The following NLGN4X variants were observed in gnomAD, a reference collection of about 807,000 sequenced individuals.
The protein encoded by NLGN4X is neuroligin 4 X-linked, also known as neuroligin-4, X-linked.
NLGN4X carries 3 observed loss-of-function variants against 40.3 expected under a neutral mutation model. The ratio of observed to expected loss-of-function variants is 0.07; its 90% CI spans 0.03 to 0.19. The LOEUF (loss-of-function observed/expected upper bound fraction) is 0.19, where lower values mean the gene tolerates loss of function less well. Ranked by LOEUF, NLGN4X falls within the 10% of genes least tolerant of loss-of-function variation. NLGN4X has a pLI of 1.00. For missense variants in NLGN4X, 382 were observed against 708.3 expected, an observed-to-expected ratio of 0.54 and a Z score of 5.23; for synonymous variants, 270 against 306.8, an observed-to-expected ratio of 0.88 and a Z score of 1.25.
At chrX:5,984,356 G>C (rs1288327923) in intron 3 of NLGN4X, among the ~76,000 whole-genome samples, 1 of 105,620 alleles carries the variant, frequency 9.5e-6, no homozygotes, top group Admixed American at 1.0e-4. Context: ...AATGAAGCTT[G>C]AAAGTAAAAT....
intron 3 of NLGN4X, among the ~76,000 whole-genome samples, chrX:5,966,938 A>G (rs1255658263): frequency 8.9e-6 from 1 of 112,271 alleles, no homozygotes; most frequent in Non-Finnish European, 1.9e-5. Flanking sequence ...AGTAGATGAC[A>G]ACTCTGTAAG....
At chrX:6,010,607 C>T (rs1436931229) in intron 3 of NLGN4X, among the ~76,000 whole-genome samples, 2 of 107,262 alleles carry the variant, frequency 1.9e-5, no homozygotes, top group African/African-American at 6.8e-5. Flanking sequence ...CAGCTCATTA[C>T]AACCTCCGCC....
chrX:5,894,840 G>C (rs1282807537), intron 5 of NLGN4X, among the ~76,000 whole-genome samples: 2 of 112,150 alleles, frequency 1.8e-5, no homozygotes, highest in Non-Finnish European at 3.8e-5. Context: ...GATTATGCAT[G>C]GCAAAATGTT....
intron 3 of NLGN4X, among the ~76,000 whole-genome samples, chrX:5,978,124 A>C (rs976956116): frequency 1.8e-5 from 2 of 112,196 alleles, no homozygotes; most frequent in Admixed American, 9.5e-5. Flanking sequence ...TGCCTGATTG[A>C]AAAAGAATCA....
At chrX:5,973,846 G>T (rs902746617) in intron 3 of NLGN4X, among the ~76,000 whole-genome samples, 3 of 111,509 alleles carry the variant, frequency 2.7e-5, no homozygotes, top group African/African-American at 9.8e-5. Context: ...AAAGGTGTGT[G>T]AAGGAAGTTT....
At chrX:6,221,394 TATATATA>T (rs1925681332) in intron 1 of NLGN4X, among the ~76,000 whole-genome samples, 1 of 20,369 alleles carries the variant, frequency 4.9e-5, no homozygotes, top group African/African-American at 1.9e-4. Flanking sequence ...TCTTATATTA[TATATATA>T]TATATATATA....
intron 3 of NLGN4X, among the ~76,000 whole-genome samples, chrX:5,947,704 G>T (rs902418824): frequency 1.8e-5 from 2 of 112,161 alleles, no homozygotes; most frequent in Non-Finnish European, 3.8e-5. Context: ...TTACGTGGAT[G>T]TAAAGACATT....
rs1393707293 is a variant in NLGN4X at position 5,890,356 on chromosome X, T to C, written c.*2461A>G. 1 of 217,553 alleles carries C rather than the reference T, an allele frequency of 4.6e-6. No individual in the cohort carries two copies. 17.9% of individuals were successfully genotyped at this position (217,553 alleles called of 1,213,427 possible). A position where few individuals can be genotyped will look rare whatever the true frequency, so the allele number is the denominator to read the frequency against. Reference sequence around the variant, plus strand: ...CTTTCCATGTAGAAATAAGATATCATTTAAGATGTACTAAAATCACTTTTG... The same window carrying C: ...CTTTCCATGTAGAAATAAGATATCACTTAAGATGTACTAAAATCACTTTTG... On this transcript the variant is annotated 3_prime_UTR_variant, in exon 6 of 6. Coordinates refer to ENST00000381095, the MANE Select transcript of NLGN4X (RefSeq NM_181332.3).
Position 6,091,374 on chromosome X carries a change from A to ATC in NLGN4X, c.472+59619_472+59620dup. ...ATAAGAAAGTGCAGTGACTTGATTC[A>ATC]TCTGCACTGCTACAAGATCCCTTCT... On this transcript the variant is annotated intron_variant, in intron 2 of 5. Coordinates refer to ENST00000381095, the MANE Select transcript of NLGN4X (RefSeq NM_181332.3). 2.7e-5 allele frequency among the ~76,000 whole-genome samples: 3 copies of ATC among 111,484 alleles called. No individual in the cohort carries two copies. In the Middle Eastern group the frequency reaches 0.014, roughly 523 times the overall value.
intron 3 of NLGN4X, among the ~76,000 whole-genome samples, chrX:5,975,569 C>T (rs960718164): frequency 2.0e-5 from 2 of 101,182 alleles, no homozygotes; most frequent in Non-Finnish European, 3.9e-5. Flanking sequence ...GCTGAGATGG[C>T]GCCACTGCAC....
At chrX:6,088,296 A>C (rs1365573962) in intron 2 of NLGN4X, among the ~76,000 whole-genome samples, 2 of 112,353 alleles carry the variant, frequency 1.8e-5, no homozygotes, top group African/African-American at 6.5e-5. Flanking sequence ...AAGCCCCTGC[A>C]GAAGCCATTT....
chrX:6,217,832 G>A (rs1925220540), intron 1 of NLGN4X, among the ~76,000 whole-genome samples: 1 of 111,347 alleles, frequency 9.0e-6, no homozygotes. Flanking sequence ...CAGCATGAGG[G>A]GCCTTGTCTT....
At chrX:6,044,943 G>T (rs970036136) in intron 2 of NLGN4X, among the ~76,000 whole-genome samples, 6 of 112,285 alleles carry the variant, frequency 5.3e-5, no homozygotes, top group African/African-American at 1.9e-4. Flanking sequence ...AAAATAAGAT[G>T]CAGTTTCTTT....
chrX:5,954,624 C>G (rs895496689), intron 3 of NLGN4X, among the ~76,000 whole-genome samples: 2 of 93,369 alleles, frequency 2.1e-5, no homozygotes, highest in African/African-American at 8.4e-5. Flanking sequence ...CTCTGTCTCT[C>G]TCTGTCTCTG....
intron 3 of NLGN4X, among the ~76,000 whole-genome samples, chrX:5,937,397 T>C (rs776745145): frequency 9.0e-6 from 1 of 111,328 alleles, no homozygotes; most frequent in African/African-American, 3.3e-5. Context: ...CATGTTGATA[T>C]CTGAGGTGGA....
chrX:6,133,881 A>G (rs1031236652), intron 2 of NLGN4X, among the ~76,000 whole-genome samples: 3 of 111,932 alleles, frequency 2.7e-5, no homozygotes, highest in Non-Finnish European at 5.6e-5. Context: ...GATAGTACAT[A>G]TTGTAGACTT....
chrX:5,941,609 C>G (rs1235821232), intron 3 of NLGN4X, among the ~76,000 whole-genome samples: 1 of 112,135 alleles, frequency 8.9e-6, no homozygotes, highest in Non-Finnish European at 1.9e-5. Flanking sequence ...CCAAGAACTT[C>G]CCTTGTTCTT....
intron 2 of NLGN4X, among the ~76,000 whole-genome samples, chrX:6,077,123 C>T (rs766105270): frequency 4.5e-5 from 5 of 112,062 alleles, no homozygotes; most frequent in Non-Finnish European, 7.5e-5. Context: ...GACATTTGCA[C>T]AAGTGTGTAT....
At chrX:6,067,532 C>T (rs139301404) in intron 2 of NLGN4X, among the ~76,000 whole-genome samples, 3,254 of 111,323 alleles carry the variant, frequency 0.029, 110 homozygotes, top group African/African-American at 0.098. Flanking sequence ...CATTGGAGTT[C>T]AATTCCACTG....
Sources: allele counts gnomAD v4.1 joint callset (sites outside exome capture counted in the v4.1 genomes callset), GRCh38; gene constraint gnomAD v4.1.1; transcripts MANE v1.5; gene names NCBI Gene and HGNC (gene_info 2026-07-23, HGNC 2026-07-21).